NCKAP5: variants seen among roughly 807,000 people sequenced by gnomAD.
NCKAP5 encodes NCK associated protein 5, also known as nck-associated protein 5.
A neutral mutation model predicts 167.0 loss-of-function variants in NCKAP5; 92 were observed. The observed-to-expected ratio is 0.55, with a 90% CI of 0.47 to 0.66. The LOEUF is 0.66. Among genes scored for constraint, NCKAP5 ranks in the 30% least tolerant of loss-of-function variants. The pLI is 0.00. For synonymous variants in NCKAP5, 891 were observed against 877.4 expected (o/e 1.02, Z -0.27); for missense variants, 2,378 against 2,315.0 (o/e 1.03, Z -0.56).
chr2:132,866,206 C>G (rs1690339295), intron 10 of NCKAP5, among the ~76,000 whole-genome samples: 1 of 152,166 alleles, frequency 6.6e-6, no homozygotes, highest in Non-Finnish European at 1.5e-5. Flanking sequence ...AAATGCCTTT[C>G]TTCCGTGTTT....
At chr2:133,079,637 A>C (rs558541928) in intron 6 of NCKAP5, among the ~76,000 whole-genome samples, 2 of 152,308 alleles carry the variant, frequency 1.3e-5, no homozygotes, top group South Asian at 4.1e-4. Flanking sequence ...ACAAAAGCAA[A>C]AGGATGAGGA....
intron 3 of NCKAP5, among the ~76,000 whole-genome samples, chr2:133,412,542 ACT>A (rs1201627486): frequency 6.6e-6 from 1 of 151,900 alleles, no homozygotes; most frequent in Non-Finnish European, 1.5e-5. Context: ...TGCTGAGATG[ACT>A]CTTCCCACCT....
chr2:133,362,920 GT>G (rs564471100), intron 3 of NCKAP5, among the ~76,000 whole-genome samples: 1 of 151,302 alleles, frequency 6.6e-6, no homozygotes, highest in African/African-American at 2.4e-5. Context: ...TGCCAGGCTA[GT>G]TTTTTCGTTT....
At chr2:133,247,202 T>A (rs1019542351) in intron 4 of NCKAP5, among the ~76,000 whole-genome samples, 4 of 152,216 alleles carry the variant, frequency 2.6e-5, no homozygotes, top group Admixed American at 6.5e-5. Flanking sequence ...AACTGTGAGA[T>A]GTCTTCACTT....
At chr2:133,010,492 T>C (rs1392187610) in intron 6 of NCKAP5, among the ~76,000 whole-genome samples, 1 of 152,234 alleles carries the variant, frequency 6.6e-6, no homozygotes, top group Non-Finnish European at 1.5e-5. Flanking sequence ...ATATGCATAT[T>C]TGCAGCCCCT....
At chr2:132,848,890 G>GT (rs914696608) in intron 11 of NCKAP5, among the ~76,000 whole-genome samples, 13 of 151,942 alleles carry the variant, frequency 8.6e-5, no homozygotes, top group South Asian at 2.1e-4. Flanking sequence ...AAAAACAACT[G>GT]TTTTTTTTAA....
chr2:133,573,116 C>T (rs891406201), upstream of NCKAP5, among the ~76,000 whole-genome samples: 17 of 152,232 alleles, frequency 1.1e-4, no homozygotes, highest in Non-Finnish European at 1.9e-4. Flanking sequence ...GGGCCCCAAA[C>T]GCATAGTGGG....
chr2:133,243,865 C>T (rs1399422085), intron 4 of NCKAP5, among the ~76,000 whole-genome samples: 1 of 152,202 alleles, frequency 6.6e-6, no homozygotes, highest in African/African-American at 2.4e-5. Flanking sequence ...ATTCCCATCA[C>T]TTGTAACGTG....
chr2:132,947,212 T>C (rs536465252), intron 8 of NCKAP5, among the ~76,000 whole-genome samples: 2 of 152,302 alleles, frequency 1.3e-5, no homozygotes, highest in South Asian at 4.1e-4. Context: ...GTTGTTAATA[T>C]GAAAATTTTT....
intron 5 of NCKAP5, among the ~76,000 whole-genome samples, chr2:133,160,062 C>T (rs1199637087): frequency 6.6e-6 from 1 of 152,202 alleles, no homozygotes; most frequent in Non-Finnish European, 1.5e-5. Context: ...AACAAAGATT[C>T]AGCAGCTGTA....
chr2:132,994,682 C>T lies in NCKAP5; in HGVS notation c.342-443G>A, dbSNP rs144007348. Among the ~76,000 whole-genome samples, 297 of 152,288 alleles carry T rather than the reference C, an allele frequency of 2.0e-3. 3 individuals carry two copies. Among genetic ancestry groups the T allele is most frequent in the African/African-American group, 6.6e-3 (274 of 41,564 alleles). ...CTGTGATGGTCTTTCTATGACAGCA[C>T]GTAAAGATTTACTTCATTCTTCTCA... is the stretch of plus-strand genomic sequence containing the variant. On this transcript the variant is annotated intron_variant, in intron 6 of 19. Coordinates refer to ENST00000409261, the MANE Select transcript of NCKAP5 (RefSeq NM_207363.3).
At chr2:132,748,335 TG>T (rs1679823210) in intron 16 of NCKAP5, among the ~76,000 whole-genome samples, 1 of 152,252 alleles carries the variant, frequency 6.6e-6, no homozygotes, top group Non-Finnish European at 1.5e-5. Context: ...GTTCACTGAC[TG>T]GCCCAGGCCT....
intron 5 of NCKAP5, among the ~76,000 whole-genome samples, chr2:133,154,185 G>A (rs1449858122): frequency 6.6e-6 from 1 of 152,090 alleles, no homozygotes; most frequent in African/African-American, 2.4e-5. Context: ...GATTAAATGA[G>A]CATCTCTTTC....
intron 3 of NCKAP5, among the ~76,000 whole-genome samples, chr2:133,350,140 G>A (rs1029945928): frequency 6.6e-5 from 10 of 152,224 alleles, no homozygotes; most frequent in African/African-American, 2.4e-4. Context: ...GGCTGGGAGT[G>A]ATGGTTCATG....
At chr2:133,467,133 A>G (rs1327109771) in intron 3 of NCKAP5, among the ~76,000 whole-genome samples, 3 of 151,930 alleles carry the variant, frequency 2.0e-5, no homozygotes, top group African/African-American at 7.3e-5. Context: ...TCAGTATGAT[A>G]CTGGCTGTGG....
intron 6 of NCKAP5, among the ~76,000 whole-genome samples, chr2:133,027,912 C>T (rs2078751873): frequency 6.6e-6 from 1 of 151,992 alleles, no homozygotes. Context: ...AATAAAATTC[C>T]TAGAGGGAAT....
intron 6 of NCKAP5, among the ~76,000 whole-genome samples, chr2:133,063,465 A>T (rs769103684): frequency 7.2e-5 from 11 of 152,272 alleles, no homozygotes; most frequent in Admixed American, 1.3e-4. Flanking sequence ...CACACAGCTT[A>T]CCAAGGAGGG....
chr2:133,053,211 G>T, intron 6 of NCKAP5, among the ~76,000 whole-genome samples: 1 of 152,170 alleles, frequency 6.6e-6, no homozygotes, highest in East Asian at 1.9e-4. Context: ...TTCGAGAGCA[G>T]TCAGGTCTAA....
At chr2:133,475,800 G>T (rs541908446) in intron 3 of NCKAP5, among the ~76,000 whole-genome samples, 1 of 152,316 alleles carries the variant, frequency 6.6e-6, no homozygotes, top group East Asian at 1.9e-4. Context: ...ATGATGGAAT[G>T]ATTCATGACA....
Sources: allele counts gnomAD v4.1 joint callset (sites outside exome capture counted in the v4.1 genomes callset), GRCh38; gene constraint gnomAD v4.1.1; transcripts MANE v1.5; gene names NCBI Gene and HGNC (gene_info 2026-07-23, HGNC 2026-07-21).